The following ABCA1 variants were observed in gnomAD, a reference collection of about 807,000 sequenced individuals.
The protein encoded by ABCA1 is ATP binding cassette subfamily A member 1, also known as phospholipid-transporting ATPase ABCA1.
Under a neutral mutation model 262.5 loss-of-function variants are expected in ABCA1, and 133 were observed. That is an observed-to-expected ratio of 0.51 (90% CI 0.44 to 0.59). The LOEUF is 0.59. Among genes scored for constraint, ABCA1 ranks in the 20% least tolerant of loss-of-function variants. ABCA1 has a pLI of 0.00. For missense variants in ABCA1, 2,452 were observed against 2,777.5 expected (o/e 0.88, Z 2.63); for synonymous variants, 1,022 against 1,043.5 (o/e 0.98, Z 0.40).
Position 104,845,652 on chromosome 9 carries a change from T to C in ABCA1, c.721-83A>G, listed in dbSNP as rs982159229. On this transcript the variant is annotated intron_variant, in intron 7 of 49. Coordinates refer to ENST00000374736, the MANE Select transcript of ABCA1 (RefSeq NM_005502.4). ...TGGAAATAAACAAGTGAATTAAAAC[T>C]GTTCACAATCTTGAGTTTAACAAAC... The C allele has an allele frequency of 9.3e-6, 9 of 966,054 alleles. No individual in the cohort carries two copies. In the African/African-American group the frequency reaches 1.4e-4, roughly 15 times the overall value. The allele number at this position is 966,054 out of a possible 1,614,324, so 59.8% of individuals were successfully genotyped here. A position where few individuals can be genotyped will look rare whatever the true frequency, so the allele number is the denominator to read the frequency against.
At chr9:104,870,901 G>A (rs1837548557) in intron 5 of ABCA1, among the ~76,000 whole-genome samples, 1 of 152,078 alleles carries the variant, frequency 6.6e-6, no homozygotes, top group South Asian at 2.1e-4. Context: ...TTCTGAGCCA[G>A]GAGAAGGAAA....
At position 104,837,230 on chromosome 9, in the gene ABCA1, TG is replaced by T. The variant is rs986409720; in HGVS notation, c.1195-135del. The T allele has an allele frequency of 1.1e-4, 118 of 1,043,786 alleles. No individual in the cohort carries two copies. In the African/African-American group the frequency reaches 1.8e-3, roughly 16 times the overall value. 64.7% of individuals were successfully genotyped at this position (1,043,786 alleles called of 1,614,324 possible). A position where few individuals can be genotyped will look rare whatever the true frequency, so the allele number is the denominator to read the frequency against. On this transcript the variant is annotated intron_variant, in intron 10 of 49. Coordinates refer to ENST00000374736, the MANE Select transcript of ABCA1 (RefSeq NM_005502.4). ...GTCCTCCCCATCCCCAAGAAATGCC[TG>T]CTTGTAACTATGATTCTATACCCAC...
intron 35 of ABCA1, 141 bp downstream of exon 35, chr9:104,800,369 A>T: frequency 1.3e-6 from 1 of 798,644 alleles, no homozygotes; most frequent in Non-Finnish European, 2.1e-6. Flanking sequence ...ACTACACCGT[A>T]CTGCCTCACT....
chr9:104,923,223 A>G (rs919447279), intron 1 of ABCA1, among the ~76,000 whole-genome samples: 7 of 152,212 alleles, frequency 4.6e-5, no homozygotes, highest in African/African-American at 1.4e-4. Context: ...TTTTACAACT[A>G]AACTAACAGT....
intron 2 of ABCA1, among the ~76,000 whole-genome samples, chr9:104,902,790 G>C (rs1288759458): frequency 6.6e-6 from 1 of 152,130 alleles, no homozygotes; most frequent in East Asian, 1.9e-4. Flanking sequence ...ATCTCAGAAA[G>C]ATGATCATTT....
chr9:104,864,141 T>C (rs1418122221), intron 5 of ABCA1, among the ~76,000 whole-genome samples: 7 of 152,212 alleles, frequency 4.6e-5, no homozygotes, highest in Non-Finnish European at 8.8e-5. Flanking sequence ...AGATCAGGCC[T>C]GGCACAGAAT....
intron 14 of ABCA1, among the ~76,000 whole-genome samples, chr9:104,829,539 C>T (rs921634147): frequency 3.3e-5 from 5 of 152,210 alleles, no homozygotes; most frequent in Non-Finnish European, 4.4e-5. Flanking sequence ...CACAGACATA[C>T]ATTTCAGGCA....
At chr9:104,847,711 C>A (rs1835018063) in intron 7 of ABCA1, among the ~76,000 whole-genome samples, 1 of 152,200 alleles carries the variant, frequency 6.6e-6, no homozygotes, top group Admixed American at 6.5e-5. Flanking sequence ...TACTCCCCAC[C>A]ACAAGGTGAA....
At chr9:104,912,869 G>T (rs1841585625) in intron 1 of ABCA1, among the ~76,000 whole-genome samples, 1 of 152,110 alleles carries the variant, frequency 6.6e-6, no homozygotes, top group Admixed American at 6.5e-5. Context: ...CAGAATAAAA[G>T]GGATCTGAAG....
chr9:104,862,662 G>C (rs1432993614), intron 5 of ABCA1, among the ~76,000 whole-genome samples: 372 of 2,170 alleles, frequency 0.17, 95 homozygotes, highest in African/African-American at 0.32. Context: ...GCCGGGCCGG[G>C]CCGGGCCGGG....
At chr9:104,907,710 G>A (rs760780038) in intron 1 of ABCA1, among the ~76,000 whole-genome samples, 1 of 152,170 alleles carries the variant, frequency 6.6e-6, no homozygotes, top group East Asian at 1.9e-4. Flanking sequence ...CCTGAAAAAC[G>A]TAATAGAATC....
chr9:104,915,410 A>G lies in ABCA1; in HGVS notation c.-92-11639T>C, dbSNP rs1283527297. 2.0e-5 allele frequency among the ~76,000 whole-genome samples: 3 copies of G among 152,348 alleles called. No individual in the cohort carries two copies. The East Asian group carries it at 5.8e-4, about 29-fold the overall frequency. ...AGCAAACTCCTTCTTTAGAATAACC[A>G]AAACAAACCCTCTCGCTGGCTGCCT... is the stretch of plus-strand genomic sequence containing the variant. On this transcript the variant is annotated intron_variant, in intron 1 of 49. Transcript: ENST00000374736.
intron 2 of ABCA1, among the ~76,000 whole-genome samples, chr9:104,891,579 G>A (rs1322923549): frequency 2.6e-5 from 4 of 152,090 alleles, no homozygotes; most frequent in Non-Finnish European, 1.5e-5. Flanking sequence ...AGTGAGCCGA[G>A]ATCACTGCAT....
intron 37 of ABCA1, among the ~76,000 whole-genome samples, chr9:104,796,917 A>G (rs1829945286): frequency 6.6e-6 from 1 of 152,236 alleles, no homozygotes; most frequent in South Asian, 2.1e-4. Flanking sequence ...CAGTGTATCA[A>G]GCAGTAAAAT....
chr9:104,816,518 A>G (rs187219883), intron 24 of ABCA1, among the ~76,000 whole-genome samples, 173 bp from the exon 25 acceptor site: 99 of 152,096 alleles, frequency 6.5e-4, no homozygotes, highest in Non-Finnish European at 1.1e-3. Flanking sequence ...GGGCAAAGGA[A>G]AGGACTATGT....
chr9:104,905,267 C>T (rs1841028924), intron 1 of ABCA1, among the ~76,000 whole-genome samples: 1 of 152,184 alleles, frequency 6.6e-6, no homozygotes, highest in South Asian at 2.1e-4. Context: ...AAGCGCTAGA[C>T]TAGAAATCTG....
At chr9:104,831,937 C>T in intron 12 of ABCA1, 110 bp from the exon 13 acceptor site, 3 of 1,023,990 alleles carry the variant, frequency 2.9e-6, no homozygotes, top group Non-Finnish European at 3.1e-6. Flanking sequence ...TGCTCATCCT[C>T]TCTCTCTAAT....
intron 1 of ABCA1, 25 bp downstream of exon 1, chr9:104,927,910 A>G (rs1290976195): frequency 1.3e-5 from 2 of 152,270 alleles, no homozygotes; most frequent in Non-Finnish European, 2.9e-5. Context: ...ATAACGCCCA[A>G]GTAAGTCACT....
intron 18 of ABCA1, among the ~76,000 whole-genome samples, chr9:104,823,814 C>G (rs910558319): frequency 6.6e-6 from 1 of 152,116 alleles, no homozygotes; most frequent in Non-Finnish European, 1.5e-5. Context: ...TGATTAGGAA[C>G]AGCAGGCAAG....
Sources: gnomAD v4.1 joint callset for allele counts (sites outside exome capture counted in the v4.1 genomes callset) on GRCh38, gnomAD v4.1.1 for gene constraint, MANE v1.5 for transcripts, NCBI Gene and HGNC (gene_info 2026-07-23, HGNC 2026-07-21) for gene names.